Variants in NRG1 observed in about 807,000 individuals in gnomAD.
NRG1 encodes neuregulin 1, also known as pro-neuregulin-1, membrane-bound isoform.
A neutral mutation model predicts 63.8 loss-of-function variants in NRG1; 18 were observed. The ratio of observed to expected loss-of-function variants is 0.28; its 90% CI spans 0.19 to 0.42. NRG1 has a LOEUF of 0.42. Among genes scored for constraint, NRG1 ranks in the 10% least tolerant of loss-of-function variants. NRG1 has a pLI of 1.00. For synonymous variants in NRG1, 302 were observed against 301.3 expected, an observed-to-expected ratio of 1.00 and a Z score of -0.02; for missense variants, 762 against 814.7, an observed-to-expected ratio of 0.94 and a Z score of 0.79.
intron 1 of NRG1, among the ~76,000 whole-genome samples, chr8:32,316,297 G>A (rs1274347739): frequency 1.3e-5 from 2 of 152,056 alleles, no homozygotes; most frequent in Non-Finnish European, 2.9e-5. Context: ...CCAACATGGT[G>A]AAACCCCATC....
At chr8:32,203,273 G>T (rs1843681850) in intron 1 of NRG1, among the ~76,000 whole-genome samples, 1 of 144,034 alleles carries the variant, frequency 6.9e-6, no homozygotes, top group Non-Finnish European at 1.5e-5. Flanking sequence ...AGAAACAGAA[G>T]AAGAAAGGAA....
chr8:32,027,973 G>A (rs965876118), intron 1 of NRG1, among the ~76,000 whole-genome samples: 1 of 152,144 alleles, frequency 6.6e-6, no homozygotes, highest in African/African-American at 2.4e-5. Context: ...CATTTTTCTT[G>A]CTTGGGTAAA....
intron 5 of NRG1, chr8:32,648,264 T>G: frequency 1.2e-6 from 2 of 1,614,066 alleles, no homozygotes; most frequent in South Asian, 2.2e-5. Flanking sequence ...TGCCTTTTCT[T>G]TCTTGCCGTC....
At chr8:31,680,311 T>C (rs1326086777) in intron 1 of NRG1, among the ~76,000 whole-genome samples, 1 of 116,428 alleles carries the variant, frequency 8.6e-6, no homozygotes, top group South Asian at 2.8e-4. Context: ...CCCACAACAG[T>C]CCCCAGAGTG....
chr8:32,743,064 G>T, intron 7 of NRG1: 1 of 1,102,174 alleles, frequency 9.1e-7, no homozygotes, highest in Non-Finnish European at 1.1e-6. Context: ...CACTTTTATT[G>T]ATAAAATAAA....
At chr8:31,824,316 T>C (rs2129604095) in intron 1 of NRG1, among the ~76,000 whole-genome samples, 1 of 152,118 alleles carries the variant, frequency 6.6e-6, no homozygotes, top group East Asian at 1.9e-4. Context: ...AGAATGATGG[T>C]TTCCAGCTTC....
At chr8:32,339,228 G>C (rs1018426346) in intron 1 of NRG1, among the ~76,000 whole-genome samples, 5 of 151,936 alleles carry the variant, frequency 3.3e-5, no homozygotes, top group Admixed American at 2.6e-4. Context: ...ATACACCCAT[G>C]GTGCATATTG....
At chr8:32,331,567 C>A (rs1163010165) in intron 1 of NRG1, among the ~76,000 whole-genome samples, 2 of 151,974 alleles carry the variant, frequency 1.3e-5, no homozygotes, top group African/African-American at 4.8e-5. Flanking sequence ...TGCCCCTTTA[C>A]AATTTAATAT....
At chr8:31,825,802 G>A (rs1824494638) in intron 1 of NRG1, among the ~76,000 whole-genome samples, 1 of 152,122 alleles carries the variant, frequency 6.6e-6, no homozygotes, top group African/African-American at 2.4e-5. Flanking sequence ...ATAGAATACT[G>A]GTTCACTCTT....
intron 1 of NRG1, among the ~76,000 whole-genome samples, chr8:31,700,401 A>G (rs1810513749): frequency 6.6e-6 from 1 of 152,170 alleles, no homozygotes; most frequent in Admixed American, 6.5e-5. Flanking sequence ...CCAAAGCCTA[A>G]CCTAGGATGA....
At chr8:32,549,388 A>C (rs1833698517) in intron 1 of NRG1, among the ~76,000 whole-genome samples, 1 of 152,170 alleles carries the variant, frequency 6.6e-6, no homozygotes, top group Non-Finnish European at 1.5e-5. Flanking sequence ...GCGCCGGTTC[A>C]TCTTGATTCA....
chr8:32,556,891 C>G (rs1213593797), intron 1 of NRG1, among the ~76,000 whole-genome samples: 6 of 152,184 alleles, frequency 3.9e-5, no homozygotes, highest in Non-Finnish European at 8.8e-5. Flanking sequence ...AAGGAGATGT[C>G]AAAATTCCAA....
intron 1 of NRG1, among the ~76,000 whole-genome samples, chr8:32,128,238 C>T (rs1394605367): frequency 6.6e-6 from 1 of 151,914 alleles, no homozygotes; most frequent in African/African-American, 2.4e-5. Context: ...TCCCAGCAGG[C>T]CCTCTACTCC....
chr8:31,640,231 A>G lies in NRG1; in HGVS notation c.37+800A>G, dbSNP rs1803606539. ...GCTAGCTCAGCGCGCCGCGGTGGTG[A>G]TCGAGGGAAAGGTGCACCCGCAGCG... On this transcript the variant is annotated intron_variant, in intron 1 of 10. Transcript: ENST00000519301. This position sits in a 1 kb window ranked among gnomAD's most constrained non-coding sequence, Gnocchi z 6.3. 1.7e-6 allele frequency: 2 copies of G among 1,156,680 alleles called. No individual in the cohort carries two copies. The highest frequency in any genetic ancestry group is 2.1e-6 in the Non-Finnish European group (2 of 939,746). The allele number at this position is 1,156,680 out of a possible 1,614,324, so 71.7% of individuals were successfully genotyped here.
chr8:32,260,910 GT>G (rs1850292973), intron 1 of NRG1, among the ~76,000 whole-genome samples: 1 of 151,988 alleles, frequency 6.6e-6, no homozygotes, highest in Non-Finnish European at 1.5e-5. Flanking sequence ...TTTCCCTATT[GT>G]TACTTACAGT....
intron 1 of NRG1, among the ~76,000 whole-genome samples, chr8:31,642,568 G>A (rs1220037845): frequency 7.0e-6 from 1 of 142,026 alleles, no homozygotes; most frequent in Non-Finnish European, 1.6e-5. Flanking sequence ...GTGCTTCTAA[G>A]GGGAAAAAAC....
At chr8:32,485,386 G>A (rs1179013334) in intron 1 of NRG1, among the ~76,000 whole-genome samples, 2 of 149,196 alleles carry the variant, frequency 1.3e-5, no homozygotes, top group African/African-American at 4.9e-5. Flanking sequence ...GATTACTGGC[G>A]TGAGCCACAC....
At chr8:32,543,387 G>GT (rs973577975), upstream of NRG1, among the ~76,000 whole-genome samples, 1 of 152,066 alleles carries the variant, frequency 6.6e-6, no homozygotes, top group Non-Finnish European at 1.5e-5. Context: ...ATTGCCAGGG[G>GT]ACTGAGGAGG....
At chr8:31,775,301 A>G (rs531701565) in intron 1 of NRG1, among the ~76,000 whole-genome samples, 2 of 152,316 alleles carry the variant, frequency 1.3e-5, no homozygotes, top group African/African-American at 2.4e-5. Context: ...ATCAACAGGT[A>G]TGAACCTGGA....
Sources: allele counts gnomAD v4.1 joint callset (sites outside exome capture counted in the v4.1 genomes callset), GRCh38; gene constraint gnomAD v4.1.1; non-coding constraint Gnocchi (gnomAD v3.1); transcripts MANE v1.5; gene names NCBI Gene and HGNC (gene_info 2026-07-23, HGNC 2026-07-21).